MAPK10: variants seen among roughly 807,000 people sequenced by gnomAD.
MAPK10 encodes the protein JNK3 alpha protein kinase.
In MAPK10, 25 loss-of-function variants were observed where a neutral mutation model predicts 59.3. That is an observed-to-expected ratio of 0.42 (90% CI 0.31 to 0.59). The LOEUF is 0.59. Ranked by LOEUF, MAPK10 falls within the 20% of genes least tolerant of loss-of-function variation. The probability of loss-of-function intolerance (pLI) is 0.15; values close to 1 mark genes in which losing one functional copy is unlikely to be tolerated. For missense variants in MAPK10, 351 were observed against 568.9 expected (o/e 0.62, Z 3.90); for synonymous variants, 190 against 200.5 (o/e 0.95, Z 0.44).
chr4:86,573,142 T>A (rs1761595085), intron 1 of MAPK10, among the ~76,000 whole-genome samples: 2 of 152,322 alleles, frequency 1.3e-5, no homozygotes, highest in Admixed American at 6.5e-5. Flanking sequence ...TTAATTTTTA[T>A]AAACTCTAAT....
chr4:86,377,109 T>C (rs1238493468), intron 1 of MAPK10, among the ~76,000 whole-genome samples: 1 of 152,182 alleles, frequency 6.6e-6, no homozygotes, highest in Non-Finnish European at 1.5e-5. Flanking sequence ...CCCTGTGAGG[T>C]CGCTATCTTA....
At chr4:86,079,187 A>G (rs1355655050) in intron 9 of MAPK10, among the ~76,000 whole-genome samples, 1 of 152,106 alleles carries the variant, frequency 6.6e-6, no homozygotes, top group Non-Finnish European at 1.5e-5. Flanking sequence ...AACACATCCA[A>G]AATATGAAGC....
intron 1 of MAPK10, among the ~76,000 whole-genome samples, chr4:86,441,586 G>A (rs1004148055): frequency 1.3e-5 from 2 of 152,124 alleles, no homozygotes; most frequent in African/African-American, 2.4e-5. Context: ...CTAGAAACAA[G>A]CATTTTCCTA....
intron 4 of MAPK10, 141 bp downstream of exon 4, chr4:86,159,157 A>AT (rs540120862): frequency 4.1e-3 from 2,235 of 540,468 alleles, no homozygotes; most frequent in South Asian, 6.5e-3. Flanking sequence ...TCATAATGTT[A>AT]TTTTTTTTTC....
intron 2 of MAPK10, among the ~76,000 whole-genome samples, chr4:86,208,718 T>C (rs914046029): frequency 2.6e-5 from 4 of 151,974 alleles, no homozygotes; most frequent in South Asian, 4.2e-4. Context: ...CTATTCAACA[T>C]AGTGTTGGAA....
intron 1 of MAPK10, among the ~76,000 whole-genome samples, chr4:86,472,099 A>T (rs1188235765): frequency 1.3e-5 from 2 of 152,188 alleles, no homozygotes; most frequent in East Asian, 3.8e-4. Context: ...ATTTCAGCTG[A>T]TTTAATCTTT....
intron 2 of MAPK10, among the ~76,000 whole-genome samples, chr4:86,309,336 A>G (rs2095627080): frequency 6.6e-6 from 1 of 152,178 alleles, no homozygotes; most frequent in Admixed American, 6.5e-5. Context: ...TCAGATACAC[A>G]GAACAGATGA....
chr4:86,561,085 G>A lies in MAPK10; in HGVS notation c.-263+32825C>T, dbSNP rs539179743. ...GAAACTATTTCATGTCAGACCATCA[G>A]GCATTGGATTCTCCTAAGGAGTGTA... On this transcript the variant is annotated intron_variant, in intron 1 of 4. Coordinates refer to the MAPK10 transcript ENST00000502302. Among the ~76,000 whole-genome samples the A allele has an allele frequency of 1.2e-4, 19 of 152,258 alleles. No homozygotes were observed. In the South Asian group the frequency reaches 3.7e-3, roughly 30 times the overall value.
chr4:86,495,489 C>T (rs910062712), intron 1 of MAPK10, among the ~76,000 whole-genome samples: 3 of 152,114 alleles, frequency 2.0e-5, no homozygotes, highest in African/African-American at 7.2e-5. Flanking sequence ...AATAGCTTGT[C>T]TTTATAACAA....
intron 3 of MAPK10, among the ~76,000 whole-genome samples, chr4:86,190,129 T>G (rs2079315852): frequency 6.6e-6 from 1 of 152,166 alleles, no homozygotes; most frequent in Non-Finnish European, 1.5e-5. Flanking sequence ...CTTTTTGATG[T>G]GCTGCTGGAT....
At chr4:86,246,677 T>G (rs2093110853) in intron 2 of MAPK10, among the ~76,000 whole-genome samples, 1 of 152,180 alleles carries the variant, frequency 6.6e-6, no homozygotes, top group African/African-American at 2.4e-5. Context: ...AGGTAGGTCC[T>G]GTTACCACCT....
intron 11 of MAPK10, among the ~76,000 whole-genome samples, chr4:86,053,995 T>C (rs370045151): frequency 1.3e-5 from 2 of 152,280 alleles, no homozygotes; most frequent in African/African-American, 2.4e-5. Flanking sequence ...CTCTCAGTGA[T>C]CCATTCAAAA....
chr4:86,321,959 A>G (rs560783333), intron 2 of MAPK10: 1 of 151,996 alleles, frequency 6.6e-6, no homozygotes, highest in East Asian at 1.9e-4. Flanking sequence ...AGCCTCCCAA[A>G]GTGCTGGGGT....
intron 1 of MAPK10, among the ~76,000 whole-genome samples, chr4:86,562,553 G>T (rs1413796118): frequency 1.3e-5 from 2 of 151,964 alleles, no homozygotes; most frequent in Non-Finnish European, 2.9e-5. Flanking sequence ...AATTTAGCCA[G>T]GAATGGTAGC....
chr4:86,469,530 G>C (rs1752493697), intron 1 of MAPK10, among the ~76,000 whole-genome samples: 1 of 152,180 alleles, frequency 6.6e-6, no homozygotes. Context: ...TGAACTTTAA[G>C]AACCAGGCAA....
intron 1 of MAPK10, among the ~76,000 whole-genome samples, chr4:86,504,419 A>C (rs1318235115): frequency 3.3e-5 from 5 of 152,164 alleles, no homozygotes; most frequent in Non-Finnish European, 7.4e-5. Context: ...TCTGTAAACT[A>C]AATTAACTAC....
intron 11 of MAPK10, among the ~76,000 whole-genome samples, chr4:86,044,105 C>T (rs2042081136): frequency 1.3e-5 from 2 of 152,116 alleles, no homozygotes; most frequent in Admixed American, 1.3e-4. Flanking sequence ...TGACGGGGCT[C>T]TTGAAATGCT....
intron 1 of MAPK10, among the ~76,000 whole-genome samples, chr4:86,505,131 T>C (rs1382953400): frequency 1.3e-5 from 2 of 152,164 alleles, no homozygotes; most frequent in Non-Finnish European, 2.9e-5. Flanking sequence ...CTGGAACTTT[T>C]CCCTGGCTAG....
chr4:86,487,135 A>G (rs916688863), intron 1 of MAPK10, among the ~76,000 whole-genome samples: 5 of 152,160 alleles, frequency 3.3e-5, no homozygotes, highest in Admixed American at 3.3e-4. Context: ...TCTGTACTGG[A>G]AGGGGAAAAT....
Sources: allele counts gnomAD v4.1 joint callset (sites outside exome capture counted in the v4.1 genomes callset), GRCh38; gene constraint gnomAD v4.1.1; transcripts MANE v1.5; gene names NCBI Gene and HGNC (gene_info 2026-07-23, HGNC 2026-07-21).